Variants in SLC20A2 observed in about 807,000 individuals in gnomAD.
SLC20A2 encodes the protein sodium-dependent phosphate transporter 2.
In SLC20A2, 30 loss-of-function variants were observed where a neutral mutation model predicts 61.0. The observed-to-expected ratio is 0.49, with a 90% CI of 0.37 to 0.67. The LOEUF is 0.67. Ranked by LOEUF, SLC20A2 falls within the 30% of genes least tolerant of loss-of-function variation. The pLI is 0.00. For synonymous variants in SLC20A2, 351 were observed against 353.3 expected (o/e 0.99, Z 0.07); for missense variants, 626 against 866.4 (o/e 0.72, Z 3.48).
intron 10 of SLC20A2, among the ~76,000 whole-genome samples, chr8:42,418,737 G>A (rs374040367): frequency 1.3e-5 from 2 of 151,172 alleles, no homozygotes; most frequent in South Asian, 2.1e-4. Context: ...GGTGGCTTCC[G>A]CCTGTAATCC....
Position 42,417,723 on chromosome 8 carries a change from T to C in SLC20A2, c.*80A>G. ...GAGCCGTGCACGGCCAGGATGTGTA[T>C]GTGCGGCACGAGCACACATGTCTCC... On this transcript the variant is annotated 3_prime_UTR_variant, in exon 11 of 11. Coordinates refer to ENST00000520262, the MANE Select transcript of SLC20A2 (RefSeq NM_001257180.2). 2 of 1,483,612 alleles carry C rather than the reference T, an allele frequency of 1.3e-6. No individual in the cohort carries two copies. The highest frequency in any genetic ancestry group is 1.9e-6 in the Non-Finnish European group (2 of 1,071,092). 91.9% of individuals were successfully genotyped at this position (1,483,612 alleles called of 1,614,324 possible).
At chr8:42,483,144 G>A (rs376865744) in intron 1 of SLC20A2, among the ~76,000 whole-genome samples, 3 of 151,820 alleles carry the variant, frequency 2.0e-5, no homozygotes, top group East Asian at 3.9e-4. Flanking sequence ...TCAGGAGTTC[G>A]AGACCACCCT....
chr8:42,459,965 C>G lies in SLC20A2; in HGVS notation c.544G>C (p.Ala182Pro). Residue 182 changes from alanine (A) to proline (P), a missense_variant, in exon 5 of 11, where the codon GCA (alanine) becomes CCA (proline). By Grantham distance (27) the Ala-to-Pro change is conservative. Transcript: ENST00000520262. ...KEDPVPNGLR[A>P]LPVFYAATIA... ...GTAGCAGCATAGAATACTGGGAGTG[C>G]CCGGAGGCCATTGGGAACAGGGTCT... 1 of 1,612,602 alleles carries G rather than the reference C, an allele frequency of 6.2e-7. No homozygotes were observed. Among genetic ancestry groups the G allele is most frequent in the Non-Finnish European group, 8.5e-7 (1 of 1,179,106 alleles).
intron 1 of SLC20A2, among the ~76,000 whole-genome samples, chr8:42,490,133 AG>A (rs1264709389): frequency 6.6e-6 from 1 of 152,230 alleles, no homozygotes; most frequent in African/African-American, 2.4e-5. Context: ...AGAAAATAAA[AG>A]CTTTCTTACA....
chr8:42,471,145 T>C, intron 2 of SLC20A2: 1 of 456,208 alleles, frequency 2.2e-6, no homozygotes, highest in Non-Finnish European at 4.4e-6. Flanking sequence ...TCTAACCCTC[T>C]TCTCCCTAAC....
At chr8:42,428,690 A>C (rs1387188729) in intron 10 of SLC20A2, 68 bp downstream of exon 10, 1 of 1,400,986 alleles carries the variant, frequency 7.1e-7, no homozygotes, top group South Asian at 1.3e-5. Context: ...CTTCCCTTGC[A>C]TGCGCTCCGG....
At chr8:42,483,139 A>G (rs1808681099) in intron 1 of SLC20A2, among the ~76,000 whole-genome samples, 1 of 151,904 alleles carries the variant, frequency 6.6e-6, no homozygotes, top group Non-Finnish European at 1.5e-5. Context: ...TGAGGTCAGG[A>G]GTTCGAGACC....
At chr8:42,489,693 T>C (rs2131308201) in intron 1 of SLC20A2, among the ~76,000 whole-genome samples, 1 of 152,306 alleles carries the variant, frequency 6.6e-6, no homozygotes, top group Admixed American at 6.5e-5. Context: ...TATTTTAGTC[T>C]AACTCGCTAG....
intron 1 of SLC20A2, chr8:42,485,136 A>AG (rs1808871190): frequency 5.8e-6 from 1 of 172,612 alleles, no homozygotes; most frequent in Admixed American, 6.4e-5. Flanking sequence ...GTGCCTGTAA[A>AG]GGGGGGCTGA....
At chr8:42,460,180 T>C (rs1176166469) in intron 4 of SLC20A2, 188 bp from the exon 5 acceptor site, 1 of 505,116 alleles carries the variant, frequency 2.0e-6, no homozygotes, top group Non-Finnish European at 3.6e-6. Context: ...GCTGGGGCCA[T>C]CTCTCCCACA....
intron 5 of SLC20A2, among the ~76,000 whole-genome samples, chr8:42,445,449 G>A (rs1436347888): frequency 1.3e-5 from 2 of 152,116 alleles, no homozygotes; most frequent in Admixed American, 1.3e-4. Flanking sequence ...GCTGAGGTCG[G>A]GCATGATGGC....
intron 3 of SLC20A2, 36 bp from the exon 4 acceptor site, chr8:42,463,126 A>C: frequency 8.3e-7 from 1 of 1,205,468 alleles, no homozygotes; most frequent in Non-Finnish European, 1.2e-6. Context: ...TGAATGTTAA[A>C]ATTCATTCAT....
intron 8 of SLC20A2, among the ~76,000 whole-genome samples, chr8:42,434,515 ACT>A (rs1415413625): frequency 2.0e-5 from 3 of 151,800 alleles, no homozygotes; most frequent in East Asian, 3.9e-4. Context: ...ACTGGGTATC[ACT>A]GAGTCACTGA....
intron 1 of SLC20A2, chr8:42,536,348 A>T (rs1472276310): frequency 1.3e-5 from 2 of 152,222 alleles, no homozygotes; most frequent in Non-Finnish European, 2.9e-5. Flanking sequence ...AATACAGAAT[A>T]CTGTACCTGC....
rs138898546 is a variant in SLC20A2, at chr8:42,464,385, G to C, written c.431-1295C>G. Among the ~76,000 whole-genome samples the C allele has an allele frequency of 7.8e-4, 118 of 150,840 alleles. 1 individual carries two copies. Among genetic ancestry groups the C allele is most frequent in the African/African-American group, 2.8e-3 (116 of 40,956 alleles). On this transcript the variant is annotated intron_variant, in intron 3 of 10. Transcript: ENST00000520262. Reference sequence around the variant, plus strand: ...AATCCTCCTGCCTTGGCCTCCCAAAGTGATGGAATTACAGGCCTGAGCCAC... The same window carrying C: ...AATCCTCCTGCCTTGGCCTCCCAAACTGATGGAATTACAGGCCTGAGCCAC...
At chr8:42,452,160 G>A (rs1280979047) in intron 5 of SLC20A2, among the ~76,000 whole-genome samples, 2 of 140,382 alleles carry the variant, frequency 1.4e-5, no homozygotes, top group African/African-American at 2.7e-5. Flanking sequence ...AGGAGGAAGA[G>A]ATGGAGGAGG....
rs112995143 is a variant in SLC20A2, at chr8:42,495,497, A to G, written c.-265+5534T>C. 6.9e-3 allele frequency among the ~76,000 whole-genome samples: 1,054 copies of G among 152,290 alleles called. 12 individuals are homozygous for G. The highest frequency in any genetic ancestry group is 0.024 in the African/African-American group (1,001 of 41,560). On this transcript the variant is annotated intron_variant, in intron 1 of 10. Coordinates refer to ENST00000520262, the MANE Select transcript of SLC20A2 (RefSeq NM_001257180.2). ...AGACACCATGTTCATTGGGCCTCAT[A>G]TGTTCTGAAAACAGACACAGATGTA...
intron 10 of SLC20A2, among the ~76,000 whole-genome samples, chr8:42,423,750 C>A (rs1423365287): frequency 6.6e-6 from 1 of 152,118 alleles, no homozygotes; most frequent in Non-Finnish European, 1.5e-5. Context: ...TTATTTGATT[C>A]ATAAAAGATC....
chr8:42,535,269 G>A (rs1305639358), intron 1 of SLC20A2: 1 of 152,002 alleles, frequency 6.6e-6, no homozygotes, highest in Non-Finnish European at 1.5e-5. Flanking sequence ...ACTGGTCTCT[G>A]CTGCAGACAT....
Sources: gnomAD v4.1 joint callset for allele counts (sites outside exome capture counted in the v4.1 genomes callset) on GRCh38, gnomAD v4.1.1 for gene constraint, MANE v1.5 for transcripts, NCBI Gene and HGNC (gene_info 2026-07-23, HGNC 2026-07-21) for gene names.